The following DMD variants were observed in gnomAD, a reference collection of about 807,000 sequenced individuals.
The protein encoded by DMD is dystrophin.
DMD carries 63 observed loss-of-function variants against 330.1 expected under a neutral mutation model. That is an observed-to-expected ratio of 0.19 (90% CI 0.16 to 0.24). The LOEUF (loss-of-function observed/expected upper bound fraction) is 0.24, where lower values mean the gene tolerates loss of function less well. Among genes scored for constraint, DMD ranks in the 10% least tolerant of loss-of-function variants. DMD has a pLI of 1.00. For missense variants in DMD, 3,344 were observed against 2,684.1 expected, an observed-to-expected ratio of 1.25 and a Z score of -5.43; for synonymous variants, 1,223 against 959.8, an observed-to-expected ratio of 1.27 and a Z score of -5.07.
intron 11 of DMD, among the ~76,000 whole-genome samples, chrX:32,617,835 G>A (rs1355573427): frequency 2.7e-5 from 3 of 111,064 alleles, no homozygotes; most frequent in Admixed American, 9.6e-5. Flanking sequence ...TCTGATGGGG[G>A]TTCATATAAA....
chrX:31,600,042 T>C (rs369291506), intron 55 of DMD, among the ~76,000 whole-genome samples: 7 of 111,604 alleles, frequency 6.3e-5, no homozygotes, highest in Admixed American at 9.5e-5. Context: ...GTGATCCTTC[T>C]ACCTCAGGCT....
intron 67 of DMD, among the ~76,000 whole-genome samples, chrX:31,203,038 T>TAAGG: frequency 9.0e-6 from 1 of 110,621 alleles, no homozygotes; most frequent in South Asian, 3.9e-4. Context: ...TCCGAGCACT[T>TAAGG]TGGGAGTTCG....
chrX:31,149,853 T>C (rs746151838), intron 74 of DMD, among the ~76,000 whole-genome samples: 2 of 111,945 alleles, frequency 1.8e-5, no homozygotes, highest in East Asian at 2.8e-4. Flanking sequence ...AGGAGCACAG[T>C]GGTTATATTT....
intron 19 of DMD, among the ~76,000 whole-genome samples, chrX:32,496,570 A>T (rs1178763667): frequency 8.9e-6 from 1 of 112,138 alleles, no homozygotes; most frequent in Non-Finnish European, 1.9e-5. Context: ...AAAAAGTCAG[A>T]TTTTTACTCA....
chrX:31,137,581 A>G (rs1005518729), intron 76 of DMD, among the ~76,000 whole-genome samples: 1 of 110,311 alleles, frequency 9.1e-6, no homozygotes, highest in African/African-American at 3.3e-5. Flanking sequence ...ATTAAAATCC[A>G]ACTATATATG....
At chrX:31,279,501 C>CT (rs1434709244) in intron 62 of DMD, among the ~76,000 whole-genome samples, 1 of 111,840 alleles carries the variant, frequency 8.9e-6, no homozygotes, top group Non-Finnish European at 1.9e-5. Context: ...TATGACATGA[C>CT]TTGCTTCGGC....
At chrX:32,345,606 C>T (rs748082213) in intron 39 of DMD, among the ~76,000 whole-genome samples, 12 of 110,146 alleles carry the variant, frequency 1.1e-4, no homozygotes, top group African/African-American at 3.6e-4. Context: ...ACATGTAGAT[C>T]GGTTATTCTG....
At chrX:31,859,793 A>C (rs758451498) in intron 48 of DMD, among the ~76,000 whole-genome samples, 2 of 112,666 alleles carry the variant, frequency 1.8e-5, no homozygotes, top group Non-Finnish European at 3.7e-5. Context: ...GCAAATTGCA[A>C]GTGCAGAGCA....
At chrX:31,659,638 G>C (rs1308526904) in intron 53 of DMD, among the ~76,000 whole-genome samples, 1 of 41,563 alleles carries the variant, frequency 2.4e-5, no homozygotes, top group African/African-American at 1.4e-4. Flanking sequence ...ACTCCATCTC[G>C]GAAAAAAAAA....
At chrX:31,670,508 T>C (rs1309417024) in intron 53 of DMD, among the ~76,000 whole-genome samples, 2 of 112,080 alleles carry the variant, frequency 1.8e-5, no homozygotes, top group Non-Finnish European at 3.8e-5. Flanking sequence ...ACAATTTGCG[T>C]AGCTGGGTAG....
At chrX:31,351,159 T>TATATACAC (rs1556545835) in intron 60 of DMD, among the ~76,000 whole-genome samples, 2 of 105,094 alleles carry the variant, frequency 1.9e-5, no homozygotes, top group African/African-American at 7.0e-5. Context: ...CATACATATA[T>TATATACAC]ACACACACAC....
At chrX:31,306,855 G>A (rs2055077094) in intron 62 of DMD, among the ~76,000 whole-genome samples, 1 of 111,442 alleles carries the variant, frequency 9.0e-6, no homozygotes, top group Non-Finnish European at 1.9e-5. Flanking sequence ...TTGCTGGTCT[G>A]GGATTCATGC....
intron 52 of DMD, among the ~76,000 whole-genome samples, chrX:31,680,713 G>T (rs1197766612): frequency 1.8e-5 from 2 of 110,953 alleles, no homozygotes; most frequent in African/African-American, 3.3e-5. Flanking sequence ...TTCACGCTGG[G>T]TGCATTTTGT....
intron 43 of DMD, among the ~76,000 whole-genome samples, chrX:32,257,896 G>C (rs138561918): frequency 0.037 from 4,069 of 109,759 alleles, 203 homozygotes; most frequent in African/African-American, 0.13. Flanking sequence ...CAGATTGGGA[G>C]AAAATTTTTG....
At chrX:31,263,840 A>C (rs1215837478) in intron 62 of DMD, among the ~76,000 whole-genome samples, 6 of 112,843 alleles carry the variant, frequency 5.3e-5, no homozygotes, top group Admixed American at 2.8e-4. Flanking sequence ...GGGTGTGACT[A>C]ATTCTTAAAA....
intron 7 of DMD, among the ~76,000 whole-genome samples, chrX:32,790,872 T>C (rs2075765813): frequency 9.0e-6 from 1 of 111,523 alleles, no homozygotes; most frequent in Non-Finnish European, 1.9e-5. Context: ...GCCTTCCACC[T>C]GAGCATTGCA....
chrX:32,883,122 CAT>C (rs1318103697), intron 2 of DMD, among the ~76,000 whole-genome samples: 1 of 111,802 alleles, frequency 8.9e-6, no homozygotes, highest in East Asian at 2.8e-4. Context: ...AATTGCATCT[CAT>C]AATGTCAGCC....
chrX:31,197,702 T>C (rs1285470954), intron 67 of DMD, among the ~76,000 whole-genome samples: 2 of 111,583 alleles, frequency 1.8e-5, no homozygotes, highest in African/African-American at 3.3e-5. Context: ...GTTGGTATAC[T>C]TGACGTTATC....
intron 13 of DMD, among the ~76,000 whole-genome samples, chrX:32,582,981 A>G (rs768914988): frequency 1.8e-5 from 2 of 111,619 alleles, no homozygotes; most frequent in Non-Finnish European, 3.8e-5. Context: ...ATTAAGTGCC[A>G]ATTAACAATC....
Sources: gnomAD v4.1 joint callset for allele counts (sites outside exome capture counted in the v4.1 genomes callset) on GRCh38, gnomAD v4.1.1 for gene constraint, MANE v1.5 for transcripts, NCBI Gene and HGNC (gene_info 2026-07-23, HGNC 2026-07-21) for gene names.